Variants in PPP3CA observed in about 807,000 individuals in gnomAD.
The protein encoded by PPP3CA is protein phosphatase 3 catalytic subunit alpha.
A neutral mutation model predicts 66.5 loss-of-function variants in PPP3CA; 14 were observed. The ratio of observed to expected loss-of-function variants is 0.21; its 90% CI spans 0.14 to 0.33. The LOEUF (loss-of-function observed/expected upper bound fraction) is 0.33, where lower values mean the gene tolerates loss of function less well. Ranked by LOEUF, PPP3CA falls within the 10% of genes least tolerant of loss-of-function variation. The pLI is 1.00. For missense variants in PPP3CA, 317 were observed against 639.5 expected (o/e 0.50, Z 5.44); for synonymous variants, 232 against 226.2 (o/e 1.03, Z -0.23).
intron 1 of PPP3CA, among the ~76,000 whole-genome samples, chr4:101,312,026 A>T (rs1028351488): frequency 7.2e-5 from 11 of 152,222 alleles, no homozygotes; most frequent in Admixed American, 6.5e-5. Flanking sequence ...ATAATAGTTG[A>T]CATTTAATGA....
chr4:101,278,737 T>A (rs905904238), intron 1 of PPP3CA, among the ~76,000 whole-genome samples: 1 of 152,206 alleles, frequency 6.6e-6, no homozygotes, highest in Non-Finnish European at 1.5e-5. Flanking sequence ...ATTTACACAA[T>A]AAATTAGAAG....
chr4:101,137,086 ATTG>A (rs1722647629), intron 2 of PPP3CA, among the ~76,000 whole-genome samples: 1 of 152,110 alleles, frequency 6.6e-6, no homozygotes, highest in Non-Finnish European at 1.5e-5. Flanking sequence ...TGTAAAGTAT[ATTG>A]TTGTTTGATT....
At chr4:101,332,098 T>A (rs947803256) in intron 1 of PPP3CA, among the ~76,000 whole-genome samples, 1 of 152,170 alleles carries the variant, frequency 6.6e-6, no homozygotes, top group Non-Finnish European at 1.5e-5. Flanking sequence ...TATGTTTAAT[T>A]GACTGGGATG....
chr4:101,201,808 T>C (rs1724975384), intron 1 of PPP3CA, among the ~76,000 whole-genome samples: 1 of 152,232 alleles, frequency 6.6e-6, no homozygotes, highest in African/African-American at 2.4e-5. Flanking sequence ...TGGAACACCA[T>C]CTATTCCCTT....
chr4:101,346,671 A>C (rs1730011478), intron 1 of PPP3CA, 68 bp downstream of exon 1: 1 of 1,392,296 alleles, frequency 7.2e-7, no homozygotes, highest in East Asian at 2.4e-5. Flanking sequence ...AGGAAAGGCG[A>C]GGCGAGGCAA....
At chr4:101,260,084 C>T (rs1391895825) in intron 1 of PPP3CA, among the ~76,000 whole-genome samples, 2 of 152,238 alleles carry the variant, frequency 1.3e-5, no homozygotes, top group African/African-American at 2.4e-5. Flanking sequence ...TGCAGTTTTA[C>T]TGATTCCAGT....
chr4:101,056,270 A>C (rs931420239), intron 10 of PPP3CA, among the ~76,000 whole-genome samples: 3 of 152,336 alleles, frequency 2.0e-5, no homozygotes, highest in East Asian at 1.9e-4. Context: ...AGTAAACTTA[A>C]CATAAAGGAC....
intron 2 of PPP3CA, among the ~76,000 whole-genome samples, chr4:101,127,986 G>C (rs2110279844): frequency 6.6e-6 from 1 of 152,252 alleles, no homozygotes; most frequent in East Asian, 1.9e-4. Context: ...CTCTATACAG[G>C]ATCCTTACTG....
intron 1 of PPP3CA, among the ~76,000 whole-genome samples, chr4:101,296,013 AGTT>A (rs146507111): frequency 3.7e-4 from 56 of 152,194 alleles, no homozygotes; most frequent in Middle Eastern, 3.4e-3. Flanking sequence ...AATAAGCTGG[AGTT>A]GTTGTTGTTG....
chr4:101,061,244 C>T (rs890761778), intron 9 of PPP3CA, 83 bp from the exon 10 acceptor site: 63 of 1,149,438 alleles, frequency 5.5e-5, no homozygotes, highest in Non-Finnish European at 8.1e-5. Context: ...AATGAGCAAA[C>T]TTAGCAATAA....
At chr4:101,269,241 T>G (rs1279614941) in intron 1 of PPP3CA, among the ~76,000 whole-genome samples, 1 of 152,096 alleles carries the variant, frequency 6.6e-6, no homozygotes, top group African/African-American at 2.4e-5. Flanking sequence ...TATACCCTTA[T>G]GGAAGAATCA....
At chr4:101,100,466 T>G (rs530241135) in intron 3 of PPP3CA, among the ~76,000 whole-genome samples, 1 of 152,260 alleles carries the variant, frequency 6.6e-6, no homozygotes, top group East Asian at 1.9e-4. Flanking sequence ...ACCTTAAAAT[T>G]CTCAACTTAG....
rs3974660 is a variant in PPP3CA, at chr4:101,346,877, ACGCCGC to A, written c.-87_-82del. On this transcript the variant is annotated 5_prime_UTR_variant, in exon 1 of 14. Coordinates refer to ENST00000394854, the MANE Select transcript of PPP3CA (RefSeq NM_000944.5). ...ACCGGACCGGCGGGCCAGACACTCA[ACGCCGC>A]CGCCGCCGCCGCCGCCGCCGCGCTG... 1.5e-4 allele frequency: 190 copies of A among 1,292,884 alleles called. No individual in the cohort carries two copies. The highest frequency in any genetic ancestry group is 8.2e-4 in the Admixed American group (39 of 47,744). 80.1% of individuals were successfully genotyped at this position (1,292,884 alleles called of 1,614,324 possible). A position where few individuals can be genotyped will look rare whatever the true frequency, so the allele number is the denominator to read the frequency against.
chr4:101,052,935 T>C (rs1728073550), intron 10 of PPP3CA, among the ~76,000 whole-genome samples: 1 of 152,040 alleles, frequency 6.6e-6, no homozygotes. Flanking sequence ...CTGCCTCCCC[T>C]AAACACCTAT....
At chr4:101,301,708 G>C (rs1486487606) in intron 1 of PPP3CA, among the ~76,000 whole-genome samples, 1 of 148,930 alleles carries the variant, frequency 6.7e-6, no homozygotes, top group Non-Finnish European at 1.5e-5. Context: ...TGGCCAGGCT[G>C]GTCTTAGCTC....
chr4:101,137,684 A>G (rs1722666640), intron 2 of PPP3CA, among the ~76,000 whole-genome samples: 1 of 151,934 alleles, frequency 6.6e-6, no homozygotes, highest in African/African-American at 2.4e-5. Context: ...TTTACTTTTC[A>G]CTGTGGCTGA....
At chr4:101,123,836 C>G (rs1722112182) in intron 2 of PPP3CA, among the ~76,000 whole-genome samples, 1 of 152,128 alleles carries the variant, frequency 6.6e-6, no homozygotes, top group African/African-American at 2.4e-5. Flanking sequence ...ATCTAAGCCT[C>G]AAGTTCTTAA....
intron 6 of PPP3CA, among the ~76,000 whole-genome samples, chr4:101,093,483 C>T (rs891260517): frequency 1.3e-5 from 2 of 151,568 alleles, no homozygotes; most frequent in Admixed American, 6.6e-5. Context: ...TCTATATGCA[C>T]TGGGAAACCA....
chr4:101,240,296 A>G (rs568432018), intron 1 of PPP3CA, among the ~76,000 whole-genome samples: 42 of 152,244 alleles, frequency 2.8e-4, no homozygotes, highest in Admixed American at 1.8e-3. Flanking sequence ...AAACCACTCC[A>G]GTAGCAACTA....
Sources: gnomAD v4.1 joint callset for allele counts (sites outside exome capture counted in the v4.1 genomes callset) on GRCh38, gnomAD v4.1.1 for gene constraint, MANE v1.5 for transcripts, NCBI Gene and HGNC (gene_info 2026-07-23, HGNC 2026-07-21) for gene names.